Variants in GPR161 observed in about 807,000 individuals in gnomAD.
GPR161 encodes G-protein coupled receptor RE2.
GPR161 carries 25 observed loss-of-function variants against 39.2 expected under a neutral mutation model. The observed-to-expected ratio is 0.64, with a 90% CI of 0.47 to 0.89. The LOEUF (loss-of-function observed/expected upper bound fraction) is 0.89, where lower values mean the gene tolerates loss of function less well. Among genes scored for constraint, GPR161 ranks in the 40% least tolerant of loss-of-function variants. GPR161 has a pLI of 0.00. For missense variants in GPR161, 547 were observed against 677.8 expected (o/e 0.81, Z 2.14); for synonymous variants, 286 against 276.6 (o/e 1.03, Z -0.34).
intron 4 of GPR161, 37 bp downstream of exon 4, chr1:168,090,527 C>A: frequency 8.1e-7 from 1 of 1,229,046 alleles, no homozygotes; most frequent in Non-Finnish European, 1.2e-6. Flanking sequence ...ACAGGGAAAA[C>A]GCGACAGGTG....
chr1:168,123,537 TACACACACACACACACACAC>T (rs10534836), intron 1 of GPR161, among the ~76,000 whole-genome samples: 56 of 138,118 alleles, frequency 4.1e-4, no homozygotes, highest in African/African-American at 1.3e-3. Context: ...TGCACATACA[TACACACACACACACACACAC>T]ACACACACAC....
chr1:168,102,419 A>G (rs540686425), intron 2 of GPR161, among the ~76,000 whole-genome samples: 173 of 151,870 alleles, frequency 1.1e-3, no homozygotes, highest in Non-Finnish European at 2.2e-3. Flanking sequence ...TCAACTGTAA[A>G]CCCCTGGTGG....
rs1407830277 is a variant in GPR161, at chr1:168,083,013, C to T, written c.*2518G>A. On this transcript the variant is annotated 3_prime_UTR_variant, in exon 6 of 6. Transcript: ENST00000682931. Reference sequence around the variant, plus strand: ...ACTTAGCTCAAACTGTCACTTACCTCATGGAGCCATCCCTAACTCCATATT... The same window carrying T: ...ACTTAGCTCAAACTGTCACTTACCTTATGGAGCCATCCCTAACTCCATATT... 1 of 152,206 alleles carries T rather than the reference C, an allele frequency of 6.6e-6. No homozygotes were observed. The highest frequency in any genetic ancestry group is 1.5e-5 in the Non-Finnish European group (1 of 68,046). The allele number at this position is 152,206 out of a possible 1,614,324, so 9.4% of individuals were successfully genotyped here. A position where few individuals can be genotyped will look rare whatever the true frequency, so the allele number is the denominator to read the frequency against.
In GPR161 at chr1:168,094,360, C is replaced by A. The variant is rs189210331; in HGVS notation, c.1099+2148G>T. 2.1e-3 allele frequency among the ~76,000 whole-genome samples: 315 copies of A among 152,240 alleles called. 1 individual carries two copies. Among genetic ancestry groups the A allele is most frequent in the African/African-American group, 7.3e-3 (303 of 41,540 alleles). On this transcript the variant is annotated intron_variant, in intron 3 of 5. Coordinates refer to ENST00000682931, the MANE Select transcript of GPR161 (RefSeq NM_001375883.1). Reference sequence around the variant, plus strand: ...GAAATGAAGCCCAACATTGAATGGACTCCTGGATCACAGGTCATATGTGAA... The same window carrying A: ...GAAATGAAGCCCAACATTGAATGGAATCCTGGATCACAGGTCATATGTGAA...
At chr1:168,132,381 A>T (rs945808180) in intron 1 of GPR161, among the ~76,000 whole-genome samples, 81 of 151,944 alleles carry the variant, frequency 5.3e-4, no homozygotes, top group African/African-American at 1.9e-3. Flanking sequence ...AGGTCAGGAG[A>T]TTGAGACCAT....
chr1:168,080,847 C>T lies in GPR161; in HGVS notation c.*4684G>A, dbSNP rs988102154. 1 of 152,250 alleles carries T rather than the reference C, an allele frequency of 6.6e-6. No individual in the cohort carries two copies. The highest frequency in any genetic ancestry group is 1.5e-5 in the Non-Finnish European group (1 of 68,184). The allele number at this position is 152,250 out of a possible 1,614,324, so 9.4% of individuals were successfully genotyped here. A position where few individuals can be genotyped will look rare whatever the true frequency, so the allele number is the denominator to read the frequency against. ...TATCTTTGTACAAACAGGCCAGTAG[C>T]ATAGAGGATAGACTTTTTCTTTTTT... On this transcript the variant is annotated 3_prime_UTR_variant, in exon 6 of 6. Coordinates refer to ENST00000682931, the MANE Select transcript of GPR161 (RefSeq NM_001375883.1).
intron 3 of GPR161, among the ~76,000 whole-genome samples, chr1:168,094,864 C>A: frequency 6.6e-6 from 1 of 152,188 alleles, no homozygotes; most frequent in East Asian, 1.9e-4. Context: ...ACAAATGTGT[C>A]CTGAGTCAGT....
chr1:168,132,478 C>T (rs1050792395), intron 1 of GPR161, among the ~76,000 whole-genome samples: 3 of 150,604 alleles, frequency 2.0e-5, no homozygotes, highest in African/African-American at 7.3e-5. Context: ...GTCCCAGCTA[C>T]TCGGGAGGCT....
chr1:168,104,979 G>A lies in GPR161; in HGVS notation c.-44-85C>T, dbSNP rs373895768. Reference sequence around the variant, plus strand: ...ACCTTAGGGAAGAAAGGCTTAAAGGGGTTAAGTGCTACGCCTCAGATCACC... The same window carrying A: ...ACCTTAGGGAAGAAAGGCTTAAAGGAGTTAAGTGCTACGCCTCAGATCACC... On this transcript the variant is annotated intron_variant, in intron 1 of 5. Coordinates refer to ENST00000682931, the MANE Select transcript of GPR161 (RefSeq NM_001375883.1). 32 of 1,039,984 alleles carry A rather than the reference G, an allele frequency of 3.1e-5. No individual in the cohort carries two copies. In the East Asian group the frequency reaches 7.0e-4, roughly 23 times the overall value. 64.4% of individuals were successfully genotyped at this position (1,039,984 alleles called of 1,614,324 possible). A position where few individuals can be genotyped will look rare whatever the true frequency, so the allele number is the denominator to read the frequency against.
At position 168,085,571 on chromosome 1, in the gene GPR161, C is replaced by T. The variant is rs371928364; in HGVS notation, c.1550G>A (p.Ser517Asn). Residue 517 changes from serine to asparagine, a missense_variant, in exon 6 of 6, where the codon AGC becomes AAC. Transcript: ENST00000682931. ...AGCTAAAACATCTCCTTCTTCGATG[C>T]TCTGCAACTGCAGCCTCTGGCTCAC... is the stretch of plus-strand genomic sequence containing the variant. Reference protein sequence around the residue: ...TLVSQRLQLQSIEEGDVLAAE... With the variant: ...TLVSQRLQLQNIEEGDVLAAE... The T allele has an allele frequency of 6.2e-7, 1 of 1,613,918 alleles. No individual in the cohort carries two copies. The highest frequency in any genetic ancestry group is 1.3e-5 in the African/African-American group (1 of 74,950).
rs756377645 is a variant in GPR161 at position 168,104,530 on chromosome 1, G to A, written c.321C>T (p.Tyr107=). ...VVWCNFSALL[Y]LLISSASMLT... ...GCATGCTGGCAGAGCTGATCAGCAG[G>A]TAGAGGAGGGCAGAGAAGTTGCACC... Residue 107 remains tyrosine (Y), a synonymous_variant, in exon 2 of 6, where the codon TAC becomes TAT. Coordinates refer to ENST00000682931, the MANE Select transcript of GPR161 (RefSeq NM_001375883.1). The A allele has an allele frequency of 6.8e-6, 11 of 1,614,128 alleles. No homozygotes were observed. In the Middle Eastern group the frequency reaches 4.9e-4, roughly 73 times the overall value.
In GPR161 at chr1:168,097,167, G is replaced by A. The variant is rs1033254892; in HGVS notation, c.440C>T (p.Ala147Val). The change falls in exon 3 of 6, where the codon GCA (alanine) becomes GTA (valine). Residue 147 changes from alanine (A) to valine (V), a missense_variant. Physicochemically the swap from Ala to Val is moderately conservative, Grantham distance 64. Coordinates refer to ENST00000682931, the MANE Select transcript of GPR161 (RefSeq NM_001375883.1). ...MKITGNRAVM[A>V]LVYIWLHSLI... ...CGAGTGAAGCCAGATGTAGACAAGT[G>A]CCATCACAGCCCGGTTCCCTGTGAT... 1 of 1,614,008 alleles carries A rather than the reference G, an allele frequency of 6.2e-7. No homozygotes were observed. Among genetic ancestry groups the A allele is most frequent in the East Asian group, 2.2e-5 (1 of 44,880 alleles).
rs1002042790 is a variant in GPR161, at chr1:168,079,557, CAT to C, written c.*5972_*5973del. 8.5e-5 allele frequency: 13 copies of C among 152,274 alleles called. No homozygotes were observed. The highest frequency in any genetic ancestry group is 4.6e-4 in the Admixed American group (7 of 15,302). The allele number at this position is 152,274 out of a possible 1,614,324, so 9.4% of individuals were successfully genotyped here. ...TTCCACAGTATACACATACCAAAAACATATTTAATCAGGTAAACAAAAATTCC... is the reference window on the plus strand; with the variant it reads ...TTCCACAGTATACACATACCAAAAACATTTAATCAGGTAAACAAAAATTCC... On this transcript the variant is annotated 3_prime_UTR_variant, in exon 6 of 6. Transcript: ENST00000682931.
intron 5 of GPR161, 79 bp downstream of exon 5, chr1:168,087,506 C>T: frequency 6.5e-7 from 1 of 1,537,096 alleles, no homozygotes; most frequent in Non-Finnish European, 9.0e-7. Context: ...GGATGGGAGC[C>T]AGCCTGAGCC....
intron 3 of GPR161, among the ~76,000 whole-genome samples, chr1:168,093,144 A>G (rs1293573023): frequency 6.6e-6 from 1 of 152,210 alleles, no homozygotes; most frequent in Non-Finnish European, 1.5e-5. Context: ...ACCACCTGGT[A>G]GCATTTAGCA....
intron 2 of GPR161, among the ~76,000 whole-genome samples, chr1:168,099,571 A>G (rs1286556690): frequency 3.3e-5 from 5 of 152,132 alleles, no homozygotes; most frequent in Non-Finnish European, 7.3e-5. Flanking sequence ...TATTATTACT[A>G]CTTTATGGCA....
intron 1 of GPR161, among the ~76,000 whole-genome samples, chr1:168,110,979 G>C (rs1697124157): frequency 6.6e-6 from 1 of 151,928 alleles, no homozygotes; most frequent in Non-Finnish European, 1.5e-5. Flanking sequence ...AAACGAATGG[G>C]TATGTTAAAC....
chr1:168,102,208 G>A (rs957307188), intron 2 of GPR161, among the ~76,000 whole-genome samples: 2 of 152,342 alleles, frequency 1.3e-5, no homozygotes, highest in South Asian at 4.1e-4. Context: ...ATACACAGAA[G>A]CTGCTCCTTC....
intron 1 of GPR161, among the ~76,000 whole-genome samples, chr1:168,129,742 C>A (rs1179487073): frequency 2.6e-5 from 4 of 152,330 alleles, no homozygotes; most frequent in East Asian, 3.9e-4. Context: ...ATGAGTTACC[C>A]ATAGTCATAG....
Sources: gnomAD v4.1 joint callset for allele counts (sites outside exome capture counted in the v4.1 genomes callset) on GRCh38, gnomAD v4.1.1 for gene constraint, MANE v1.5 for transcripts, NCBI Gene and HGNC (gene_info 2026-07-23, HGNC 2026-07-21) for gene names.